The following CFI variants were observed in gnomAD, a reference collection of about 807,000 sequenced individuals.
The protein encoded by CFI is complement factor I.
In CFI, 66 loss-of-function variants were observed where a neutral mutation model predicts 78.8. The ratio of observed to expected loss-of-function variants is 0.84; its 90% CI spans 0.69 to 1.03. The LOEUF is 1.03. CFI is among the 50% of genes least tolerant of loss of function. CFI has a pLI of 0.00. For synonymous variants in CFI, 250 were observed against 232.6 expected, an observed-to-expected ratio of 1.07 and a Z score of -0.68; for missense variants, 706 against 704.5, an observed-to-expected ratio of 1.00 and a Z score of -0.02.
chr4:109,763,774 G>A (rs1727375587), intron 3 of CFI, among the ~76,000 whole-genome samples: 1 of 151,494 alleles, frequency 6.6e-6, no homozygotes, highest in Non-Finnish European at 1.5e-5. Flanking sequence ...TGAAAAAATT[G>A]TTATCATACA....
intron 1 of CFI, among the ~76,000 whole-genome samples, chr4:109,778,443 T>C (rs960905693): frequency 2.6e-5 from 4 of 152,082 alleles, no homozygotes; most frequent in Non-Finnish European, 2.9e-5. Flanking sequence ...AGAGGTTGAA[T>C]CCCTGAATAG....
rs1561297974 is a variant in CFI, at chr4:109,756,953, GAAA to G, written c.904+807_904+809del. The stretch of plus-strand genomic sequence containing the variant: ...AGAAAGAAAGAAAGAAAGAAAGAAA[GAAA>G]GAAAGAAAGAAAGAAAGAAAGAAAT... On this transcript the variant is annotated intron_variant, in intron 7 of 12. Coordinates refer to ENST00000394634, the MANE Select transcript of CFI (RefSeq NM_000204.5). Among the ~76,000 whole-genome samples, 32 of 139,026 alleles carry G rather than the reference GAAA, an allele frequency of 2.3e-4. No individual in the cohort carries two copies. The South Asian group carries it at 2.3e-3, about 10-fold the overall frequency. 91.2% of individuals were successfully genotyped at this position (139,026 alleles called of 152,430 possible). A position where few individuals can be genotyped will look rare whatever the true frequency, so the allele number is the denominator to read the frequency against.
Position 109,783,813 on chromosome 4 carries a change from ATAT to A in CFI, c.58-16992_58-16990del, listed in dbSNP as rs1560561461. Among the ~76,000 whole-genome samples the A allele has an allele frequency of 1.0e-3, 97 of 93,908 alleles. 10 individuals carry two copies. Among genetic ancestry groups the A allele is most frequent in the African/African-American group, 4.9e-3 (95 of 19,194 alleles). 61.6% of individuals were successfully genotyped at this position (93,908 alleles called of 152,430 possible). A position where few individuals can be genotyped will look rare whatever the true frequency, so the allele number is the denominator to read the frequency against. On this transcript the variant is annotated intron_variant, in intron 1 of 12. Transcript: ENST00000394634. ...TCAATGAGTGGATAAAGAAACTGTG[ATAT>A]ATATATATATATATATATGATGGAA...
intron 1 of CFI, among the ~76,000 whole-genome samples, chr4:109,768,276 TACAA>T (rs1728046627): frequency 9.8e-5 from 1 of 10,178 alleles, no homozygotes. Flanking sequence ...AAACTTAAAG[TACAA>T]AAAAAAAAAA....
rs775999349 is a variant in CFI at position 109,746,337 on chromosome 4, G to T, written c.1314C>A (p.Asp438Glu). The change falls in exon 11 of 13, where the codon GAC becomes GAA. Residue 438 changes from aspartate to glutamate, a missense_variant. Asp to Glu is a conservative substitution (Grantham distance 45). Transcript: ENST00000394634. ...GCAGCTCACAATCTTTTTTGTTTCC[G>T]TCTTTTTTCATTTCAATCAAAGCGA... ...NDIALIEMKK[D>E]GNKKDCELPR... 1 of 1,614,122 alleles carries T rather than the reference G, an allele frequency of 6.2e-7. No individual in the cohort carries two copies. Among genetic ancestry groups the T allele is most frequent in the South Asian group, 1.1e-5 (1 of 91,090 alleles).
intron 1 of CFI, among the ~76,000 whole-genome samples, chr4:109,796,368 G>A (rs551866155): frequency 5.5e-4 from 84 of 152,232 alleles, no homozygotes; most frequent in African/African-American, 1.9e-3. Context: ...TGCCTTACAA[G>A]AAATGATAAA....
Position 109,793,251 on chromosome 4 carries a change from C to T in CFI, c.57+8664G>A, listed in dbSNP as rs78788430. On this transcript the variant is annotated intron_variant, in intron 1 of 12. Transcript: ENST00000394634. ...TACAAAACTCTGTTCCTATACTGCT[C>T]CATCCATTCCTTTATGTTGTTATTG... Among the ~76,000 whole-genome samples the T allele has an allele frequency of 6.8e-3, 1,038 of 152,278 alleles. 10 individuals are homozygous for T. The highest frequency in any genetic ancestry group is 0.023 in the African/African-American group (974 of 41,550).
rs370986396 is a variant in CFI, at chr4:109,770,744, G to A, written c.58-3920C>T. Among the ~76,000 whole-genome samples, 9 of 152,102 alleles carry A rather than the reference G, an allele frequency of 5.9e-5. No individual in the cohort carries two copies. The East Asian group carries it at 1.4e-3, about 23-fold the overall frequency. On this transcript the variant is annotated intron_variant, in intron 1 of 12. Transcript: ENST00000394634. ...ACCATAAGGTCAAAGAGAGTGGGGA[G>A]AGGACTGCAGGATATAAGATATCAA...
intron 12 of CFI, 28 bp downstream of exon 12, chr4:109,742,463 C>T (rs376045853): frequency 7.2e-7 from 1 of 1,384,248 alleles, no homozygotes; most frequent in African/African-American, 1.4e-5. Flanking sequence ...TACATCTTGA[C>T]ATCTTGGATA....
At position 109,771,162 on chromosome 4, in the gene CFI, C is replaced by T. The variant is rs554920116; in HGVS notation, c.58-4338G>A. On this transcript the variant is annotated intron_variant, in intron 1 of 12. Transcript: ENST00000394634. ...ATCCCAGCACTTTGGGAGGCTGAGG[C>T]CAGCGGATCATGAGGTCAGGAGTTC... Among the ~76,000 whole-genome samples, 5 of 151,946 alleles carry T rather than the reference C, an allele frequency of 3.3e-5. No homozygotes were observed. The East Asian group carries it at 9.7e-4, about 29-fold the overall frequency.
chr4:109,783,092 A>T (rs4616750), intron 1 of CFI, among the ~76,000 whole-genome samples: 5 of 152,152 alleles, frequency 3.3e-5, no homozygotes, highest in Admixed American at 2.6e-4. Flanking sequence ...ATAACATTGG[A>T]AAAACCCTTC....
intron 12 of CFI, 94 bp from the exon 13 acceptor site, chr4:109,741,204 T>C (rs573476217): frequency 6.3e-7 from 1 of 1,594,450 alleles, no homozygotes; most frequent in Non-Finnish European, 8.5e-7. Context: ...CTTTGGCTTT[T>C]TTACAGTTTC....
chr4:109,764,274 A>C (rs1727449617), intron 3 of CFI: 1 of 518,838 alleles, frequency 1.9e-6, no homozygotes, highest in Non-Finnish European at 3.5e-6. Flanking sequence ...GACAGAAATG[A>C]ATGTGTTTGT....
intron 1 of CFI, among the ~76,000 whole-genome samples, chr4:109,768,454 T>A (rs1162249416): frequency 7.2e-5 from 11 of 151,898 alleles, no homozygotes; most frequent in Admixed American, 6.6e-4. Context: ...AATTTCCTCA[T>A]CGTAAAATGA....
chr4:109,783,503 T>TAATAAAAA (rs1386475867), intron 1 of CFI, among the ~76,000 whole-genome samples: 6 of 151,776 alleles, frequency 4.0e-5, no homozygotes, highest in Non-Finnish European at 5.9e-5. Flanking sequence ...AGAATGGCCA[T>TAATAAAAA]AATAAAAAAA....
chr4:109,740,883 G>A lies in CFI; in HGVS notation c.*10C>T. On this transcript the variant is annotated 3_prime_UTR_variant, in exon 13 of 13. Coordinates refer to ENST00000394634, the MANE Select transcript of CFI (RefSeq NM_000204.5). ...AGAAAAAGAATAGAATGAAGAGAGA[G>A]ATCACAATTTTATACATTGTACTGA... 6.2e-7 allele frequency: 1 copy of A among 1,600,030 alleles called. No individual in the cohort carries two copies. Among genetic ancestry groups the A allele is most frequent in the Non-Finnish European group, 8.6e-7 (1 of 1,167,188 alleles).
intron 1 of CFI, among the ~76,000 whole-genome samples, chr4:109,783,834 T>TATATATATATATATATATATA: frequency 5.4e-4 from 76 of 139,702 alleles, no homozygotes; most frequent in African/African-American, 8.0e-4. Context: ...TATATATATA[T>TATATATATATATATATATATA]GATGGAATAC....
the CFI span, among the ~76,000 whole-genome samples, chr4:109,735,453 A>C: frequency 1.3e-5 from 2 of 152,246 alleles, no homozygotes; most frequent in East Asian, 3.8e-4. Flanking sequence ...CTTGGAAACT[A>C]CAATATTACA....
intron 1 of CFI, among the ~76,000 whole-genome samples, chr4:109,786,397 T>C (rs950769902): frequency 3.3e-5 from 5 of 152,158 alleles, no homozygotes; most frequent in Non-Finnish European, 5.9e-5. Flanking sequence ...TATCTTTTTT[T>C]TCTCTAGGCA....
Sources: allele counts gnomAD v4.1 joint callset (sites outside exome capture counted in the v4.1 genomes callset), GRCh38; gene constraint gnomAD v4.1.1; transcripts MANE v1.5; gene names NCBI Gene and HGNC (gene_info 2026-07-23, HGNC 2026-07-21).